CDH23: variants seen among roughly 807,000 people sequenced by gnomAD.
CDH23 encodes the protein cadherin-23.
A neutral mutation model predicts 317.1 loss-of-function variants in CDH23; 189 were observed. The ratio of observed to expected loss-of-function variants is 0.60; its 90% CI spans 0.53 to 0.67. The LOEUF is 0.67. CDH23 is among the 30% of genes least tolerant of loss of function. The pLI is 0.00. For missense variants in CDH23, 4,401 were observed against 4,592.4 expected, an observed-to-expected ratio of 0.96 and a Z score of 1.20; for synonymous variants, 1,839 against 1,876.8, an observed-to-expected ratio of 0.98 and a Z score of 0.52.
intron 14 of CDH23, among the ~76,000 whole-genome samples, chr10:71,660,688 G>A (rs147226422): frequency 9.4e-5 from 14 of 149,348 alleles, no homozygotes; most frequent in African/African-American, 3.6e-4. Context: ...GTAGCATTGT[G>A]TCCACCTTAA....
intron 3 of CDH23, among the ~76,000 whole-genome samples, chr10:71,489,290 G>A (rs553171274): frequency 2.8e-4 from 43 of 152,212 alleles, no homozygotes; most frequent in South Asian, 8.3e-4. Context: ...TCTGTGTGGC[G>A]TTCTGGGTAA....
In CDH23 at chr10:71,778,215, G is replaced by A. The variant is rs1309884599; in HGVS notation, c.5094G>A (p.Leu1698=). The change falls in exon 40 of 70, where the codon CTG becomes CTA. Residue 1698 remains leucine, a synonymous_variant. Transcript: ENST00000224721. The part of the protein sequence containing the change: ...HMGVITAAKE[L]DYEISHGRYT... ...GTGTCATCACTGCTGCCAAAGAGCT[G>A]GACTACGAGATCAGCCACGGCCGCT... The A allele has an allele frequency of 6.2e-7, 1 of 1,613,694 alleles. No homozygotes were observed. The highest frequency in any genetic ancestry group is 8.5e-7 in the Non-Finnish European group (1 of 1,179,858).
At chr10:71,629,101 G>A (rs1042898030) in intron 11 of CDH23, among the ~76,000 whole-genome samples, 2 of 152,216 alleles carry the variant, frequency 1.3e-5, no homozygotes, top group African/African-American at 4.8e-5. Flanking sequence ...GGCGGGATTG[G>A]CTTATTCCTT....
intron 50 of CDH23, 51 bp downstream of exon 50, chr10:71,798,629 G>T: frequency 7.0e-7 from 1 of 1,420,280 alleles, no homozygotes; most frequent in Non-Finnish European, 9.6e-7. Context: ...ATCTCTGCTT[G>T]CTTAGTCCCC....
At chr10:71,730,719 A>G in intron 31 of CDH23, 115 bp downstream of exon 31, 2 of 1,460,016 alleles carry the variant, frequency 1.4e-6, no homozygotes, top group Non-Finnish European at 1.9e-6. Flanking sequence ...CCATTTAGCC[A>G]TGTCTAGGCC....
Position 71,677,742 on chromosome 10 carries a change from C to T in CDH23, c.1752+49C>T, listed in dbSNP as rs1433779387. 6 of 1,422,008 alleles carry T rather than the reference C, an allele frequency of 4.2e-6. No homozygotes were observed. In the African/African-American group the frequency reaches 8.5e-5, roughly 20 times the overall value. 88.1% of individuals were successfully genotyped at this position (1,422,008 alleles called of 1,614,324 possible). On this transcript the variant is annotated intron_variant, in intron 16 of 69. Transcript: ENST00000224721. ...CTCCTGCCATTTATCTTAGCCTTCT[C>T]CCTGTACTTGCTTGCTTGCTTCTTT...
intron 26 of CDH23, chr10:71,707,403 C>G (rs1865832998): frequency 2.3e-6 from 3 of 1,329,476 alleles, no homozygotes; most frequent in Non-Finnish European, 2.9e-6. Flanking sequence ...AGAGCAGTGA[C>G]TTGGAGGAAT....
intron 6 of CDH23, among the ~76,000 whole-genome samples, chr10:71,517,647 C>A (rs112325740): frequency 6.6e-6 from 1 of 152,226 alleles, no homozygotes; most frequent in East Asian, 1.9e-4. Context: ...TCATCTCCCA[C>A]GCCAGGAGAG....
At chr10:71,707,744 A>G (rs1865843570) in intron 26 of CDH23, among the ~76,000 whole-genome samples, 1 of 151,976 alleles carries the variant, frequency 6.6e-6, no homozygotes. Context: ...CCCATTCCTC[A>G]ACCCTCTTTG....
intron 38 of CDH23, among the ~76,000 whole-genome samples, chr10:71,774,257 C>G (rs61853671): frequency 0.1 from 14,689 of 144,202 alleles, 968 homozygotes; most frequent in Middle Eastern, 0.19. Context: ...CTCCCTGGTG[C>G]CTGGATATCT....
At chr10:71,411,086 T>C (rs556917326) in intron 1 of CDH23, among the ~76,000 whole-genome samples, 2 of 152,232 alleles carry the variant, frequency 1.3e-5, no homozygotes, top group Non-Finnish European at 2.9e-5. Flanking sequence ...TTCAGTTTTG[T>C]TCTTCTTCAA....
intron 9 of CDH23, among the ~76,000 whole-genome samples, chr10:71,579,097 G>A (rs1858445558): frequency 6.6e-6 from 1 of 152,144 alleles, no homozygotes; most frequent in African/African-American, 2.4e-5. Context: ...ACATATAAAG[G>A]GCTTAGTTAA....
chr10:71,617,864 C>T (rs975764899), intron 11 of CDH23, among the ~76,000 whole-genome samples: 3 of 152,028 alleles, frequency 2.0e-5, no homozygotes, highest in Admixed American at 2.0e-4. Context: ...TGGTGGCGGG[C>T]ACCTGTAATC....
chr10:71,488,475 C>T (rs1053274233), intron 3 of CDH23, among the ~76,000 whole-genome samples: 1 of 152,190 alleles, frequency 6.6e-6, no homozygotes, highest in Non-Finnish European at 1.5e-5. Flanking sequence ...TTTCCTGGTC[C>T]ATCTGACTTG....
intron 9 of CDH23, among the ~76,000 whole-genome samples, chr10:71,602,582 G>A (rs1471721946): frequency 6.6e-6 from 1 of 152,104 alleles, no homozygotes; most frequent in Non-Finnish European, 1.5e-5. Context: ...GATTTGGAGG[G>A]AAGTTTCAGG....
rs904425098 is a variant in CDH23, at chr10:71,475,655, G to A, written c.145+29260G>A. On this transcript the variant is annotated intron_variant, in intron 3 of 69. Transcript: ENST00000224721. ...CCCATCTGTCACCCGAGGGGTCCCC[G>A]TCCCCTGCTGGCTTTGCCTGAGCAG... Among the ~76,000 whole-genome samples the A allele has an allele frequency of 5.9e-5, 9 of 152,294 alleles. 1 individual carries two copies. Among genetic ancestry groups the A allele is most frequent in the Admixed American group, 3.9e-4 (6 of 15,308 alleles).
chr10:71,740,643 G>GGGGAGAGCCCAGGGCTGGCC (rs950357014), intron 36 of CDH23, among the ~76,000 whole-genome samples, 179 bp from the exon 37 acceptor site: 2 of 152,182 alleles, frequency 1.3e-5, no homozygotes, highest in African/African-American at 2.4e-5. Flanking sequence ...TGAAGGCTTT[G>GGGGAGAGCCCAGGGCTGGCC]GGGAGAGCCC....
intron 11 of CDH23, among the ~76,000 whole-genome samples, chr10:71,621,473 G>T (rs532598143): frequency 2.6e-5 from 4 of 152,228 alleles, no homozygotes; most frequent in African/African-American, 9.7e-5. Context: ...AGGCCCTCAT[G>T]CTCTGCCTGG....
rs116845095 is a variant in CDH23 at position 71,665,998 on chromosome 10, G to A, written c.1450-9114G>A. ...TGAGGCTTCCTCTGCAGTCAATGCC[G>A]TGATCCATTAGGAATGTCTACCATT... On this transcript the variant is annotated intron_variant, in intron 14 of 69. Coordinates refer to ENST00000224721, the MANE Select transcript of CDH23 (RefSeq NM_022124.6). Among the ~76,000 whole-genome samples, 51 of 152,338 alleles carry A rather than the reference G, an allele frequency of 3.3e-4. 2 individuals carry two copies. In the East Asian group the frequency reaches 6.2e-3, roughly 18 times the overall value.
Sources: allele counts gnomAD v4.1 joint callset (sites outside exome capture counted in the v4.1 genomes callset), GRCh38; gene constraint gnomAD v4.1.1; transcripts MANE v1.5; gene names NCBI Gene and HGNC (gene_info 2026-07-23, HGNC 2026-07-21).